TPR: variants seen among roughly 807,000 people sequenced by gnomAD.
The protein encoded by TPR is nucleoprotein TPR.
Under a neutral mutation model 316.1 loss-of-function variants are expected in TPR, and 51 were observed. That is an observed-to-expected ratio of 0.16 (90% CI 0.13 to 0.20). TPR has a LOEUF of 0.20. Ranked by LOEUF, TPR falls within the 10% of genes least tolerant of loss-of-function variation. The probability of loss-of-function intolerance (pLI) is 1.00; values close to 1 mark genes in which losing one functional copy is unlikely to be tolerated. For missense variants in TPR, 2,272 were observed against 2,754.8 expected (o/e 0.82, Z 3.92); for synonymous variants, 981 against 914.7 (o/e 1.07, Z -1.31).
intron 17 of TPR, 165 bp from the exon 18 acceptor site, chr1:186,354,015 A>G (rs1186820840): frequency 3.5e-6 from 2 of 568,224 alleles, no homozygotes; most frequent in Non-Finnish European, 5.9e-6. Flanking sequence ...AATTCTGCTT[A>G]GAAATAACTC....
At chr1:186,315,402 C>T (rs886348277) in intron 49 of TPR, among the ~76,000 whole-genome samples, 2 of 152,052 alleles carry the variant, frequency 1.3e-5, no homozygotes, top group African/African-American at 2.4e-5. Context: ...TACAACAGAA[C>T]ACAAATTATA....
chr1:186,336,865 G>T, intron 32 of TPR, 148 bp downstream of exon 32: 3 of 1,317,142 alleles, frequency 2.3e-6, no homozygotes, highest in South Asian at 1.4e-5. Context: ...AGATGATTGG[G>T]TACTACTTAC....
At chr1:186,344,351 T>C (rs1430407765) in intron 25 of TPR, 24 bp downstream of exon 25, 6 of 1,605,898 alleles carry the variant, frequency 3.7e-6, no homozygotes, top group Non-Finnish European at 4.3e-6. Context: ...CAACAGAACA[T>C]TCTATTCAGA....
chr1:186,352,593 AAAGTACTCATATTTACACAC>A (rs376574843), intron 18 of TPR, among the ~76,000 whole-genome samples: 2 of 152,208 alleles, frequency 1.3e-5, no homozygotes, highest in East Asian at 1.9e-4. Flanking sequence ...TTGAAAGCTC[AAAGTACTCATATTTACACAC>A]AAGTACTCAT....
chr1:186,334,674 TA>T, intron 35 of TPR, 141 bp from the exon 36 acceptor site: 1 of 882,608 alleles, frequency 1.1e-6, no homozygotes, highest in Non-Finnish European at 1.7e-6. Context: ...ATTTAAGCAT[TA>T]AAAACTACAC....
chr1:186,344,621 C>T lies in TPR; in HGVS notation c.3214-43G>A, dbSNP rs753942285. 3.5e-6 allele frequency: 5 copies of T among 1,418,290 alleles called. No homozygotes were observed. In the South Asian group the frequency reaches 6.8e-5, roughly 19 times the overall value. The allele number at this position is 1,418,290 out of a possible 1,614,324, so 87.9% of individuals were successfully genotyped here. A position where few individuals can be genotyped will look rare whatever the true frequency, so the allele number is the denominator to read the frequency against. ...CCAATTGATACCAAAGATTAAAAAT[C>T]CATAAAACTAGTTAGCACTTGTCCA... On this transcript the variant is annotated intron_variant, in intron 24 of 50. Coordinates refer to ENST00000367478, the MANE Select transcript of TPR (RefSeq NM_003292.3).
chr1:186,324,718 T>G (rs1450011267), intron 42 of TPR, among the ~76,000 whole-genome samples: 2 of 152,076 alleles, frequency 1.3e-5, no homozygotes, highest in African/African-American at 4.8e-5. Context: ...TTGCTTGAAA[T>G]GTACTCAAAT....
At position 186,353,696 on chromosome 1, in the gene TPR, C is replaced by T. The variant is rs1317504425; in HGVS notation, c.2326G>A (p.Val776Ile). Residue 776 changes from valine (V) to isoleucine (I), a missense_variant, in exon 18 of 51, where the codon GTC (valine) becomes ATC (isoleucine). Val to Ile is a conservative substitution (Grantham distance 29). Transcript: ENST00000367478. ...DLRGANEKLA[V>I]AEVRAENLKK... is the part of the protein sequence containing the mutation. ...AGGGATATTGGACTCACTTCTGCGA[C>T]AGCTAGCTTCTCATTTGCTCCTCTC... 1.3e-5 allele frequency: 21 copies of T among 1,613,440 alleles called. No homozygotes were observed. The highest frequency in any genetic ancestry group is 1.7e-5 in the Non-Finnish European group (20 of 1,179,800).
chr1:186,326,342 A>T (rs1657932338), intron 40 of TPR, 107 bp from the exon 41 acceptor site: 2 of 1,492,270 alleles, frequency 1.3e-6, no homozygotes, highest in South Asian at 2.6e-5. Flanking sequence ...TAATCAGAAG[A>T]TAGGAATTGT....
At chr1:186,358,412 G>T in intron 13 of TPR, 131 bp downstream of exon 13, 1 of 625,272 alleles carries the variant, frequency 1.6e-6, no homozygotes, top group Non-Finnish European at 2.6e-6. Context: ...GTGCAACTCT[G>T]CTCGAGTACT....
At chr1:186,323,995 T>C (rs1329357632) in intron 42 of TPR, 125 bp from the exon 43 acceptor site, 2 of 980,222 alleles carry the variant, frequency 2.0e-6, no homozygotes, top group Non-Finnish European at 2.9e-6. Flanking sequence ...AGAAGTAAAG[T>C]AGTGAGGTGT....
At chr1:186,356,853 C>T (rs184529383) in intron 14 of TPR, among the ~76,000 whole-genome samples, 70 of 152,278 alleles carry the variant, frequency 4.6e-4, no homozygotes, top group African/African-American at 1.4e-3. Flanking sequence ...AGTCCTCTAC[C>T]GCTATGATCC....
chr1:186,314,815 A>G (rs1357200467), intron 49 of TPR, 91 bp from the exon 50 acceptor site: 3 of 749,356 alleles, frequency 4.0e-6, no homozygotes, highest in Admixed American at 2.6e-5. Flanking sequence ...GAATGAATGA[A>G]TAAGATGTAG....
Position 186,361,643 on chromosome 1 carries a change from G to C in TPR, c.937C>G (p.Leu313Val). The change falls in exon 9 of 51, where the codon CTT becomes GTT. Residue 313 changes from leucine (L) to valine (V), a missense_variant. Physicochemically the swap from Leu to Val is conservative, Grantham distance 32. This residue lies in a region of TPR where 549 missense variants were observed against 598.6 expected (regional missense o/e 0.92). Coordinates refer to ENST00000367478, the MANE Select transcript of TPR (RefSeq NM_003292.3). ...TTACCTTCACCAGCTTCTTTCAAAAGTTTGTGTAGTTCCTCTACTGCCCGG... is the reference window on the plus strand; with the variant it reads ...TTACCTTCACCAGCTTCTTTCAAAACTTTGTGTAGTTCCTCTACTGCCCGG... ...LTRAVEELHK[L>V]LKEAGEANKA... The C allele has an allele frequency of 6.2e-7, 1 of 1,613,094 alleles. No individual in the cohort carries two copies. The highest frequency in any genetic ancestry group is 8.5e-7 in the Non-Finnish European group (1 of 1,179,358).
chr1:186,320,703 TCA>T (rs1264044651), intron 45 of TPR, among the ~76,000 whole-genome samples: 1 of 152,164 alleles, frequency 6.6e-6, no homozygotes, highest in African/African-American at 2.4e-5. Context: ...TCAGATATCC[TCA>T]CATAGATAAA....
intron 48 of TPR, 140 bp from the exon 49 acceptor site, chr1:186,317,740 A>G (rs1367416304): frequency 2.8e-6 from 2 of 717,166 alleles, no homozygotes; most frequent in Non-Finnish European, 4.5e-6. Flanking sequence ...TTTGGTTACC[A>G]TATATATTTT....
chr1:186,357,653 ATAGTAT>A (rs1473509059), intron 13 of TPR, 30 bp from the exon 14 acceptor site: 8 of 1,579,674 alleles, frequency 5.1e-6, no homozygotes, highest in African/African-American at 2.7e-5. Context: ...ATGTTATAAA[ATAGTAT>A]TAGTTACAAT....
At chr1:186,371,221 C>T (rs1262566739) in intron 2 of TPR, among the ~76,000 whole-genome samples, 178 bp from the exon 3 acceptor site, 1 of 152,136 alleles carries the variant, frequency 6.6e-6, no homozygotes, top group African/African-American at 2.4e-5. Context: ...GTGTTCTAGA[C>T]CAAAATTTTA....
In TPR at chr1:186,313,372, T is replaced by C; in HGVS notation, c.*599A>G. On this transcript the variant is annotated 3_prime_UTR_variant, in exon 51 of 51. Transcript: ENST00000367478. ...ATAATATGAATGACATTGGCATGTA[T>C]TTTTTAAAAGGAATAACCCCAAGTA... The C allele has an allele frequency of 2.9e-6, 1 of 342,660 alleles. No individual in the cohort carries two copies. Among genetic ancestry groups the C allele is most frequent in the Non-Finnish European group, 5.4e-6 (1 of 186,696 alleles). The allele number at this position is 342,660 out of a possible 1,614,324, so 21.2% of individuals were successfully genotyped here.
Sources: gnomAD v4.1 joint callset for allele counts (sites outside exome capture counted in the v4.1 genomes callset) on GRCh38, gnomAD v4.1.1 for gene constraint, gnomAD v4.1.1 regional missense constraint, MANE v1.5 for transcripts, NCBI Gene and HGNC (gene_info 2026-07-23, HGNC 2026-07-21) for gene names.